Variants in CIMIP5 observed in about 807,000 individuals in gnomAD.
CIMIP5 encodes uncharacterized protein C2orf50.
chr2:11,137,538 C>G, the CIMIP5 span, among the ~76,000 whole-genome samples: 3 of 152,140 alleles, frequency 2.0e-5, no homozygotes, highest in African/African-American at 4.8e-5. Flanking sequence ...AGAAACTGAA[C>G]AAGAAGGTCC....
the CIMIP5 span, among the ~76,000 whole-genome samples, chr2:11,151,211 T>C: frequency 0.24 from 37,004 of 152,206 alleles, 4,857 homozygotes; most frequent in East Asian, 0.48. Flanking sequence ...CATATATTAA[T>C]TGATGTCTCA....
the CIMIP5 span, chr2:11,140,418 G>T: frequency 1.7e-5 from 12 of 694,560 alleles, no homozygotes; most frequent in South Asian, 2.6e-5. Flanking sequence ...TCTTCCACGT[G>T]ATACATTGTT....
the CIMIP5 span, among the ~76,000 whole-genome samples, chr2:11,149,575 T>C: frequency 6.6e-6 from 1 of 152,062 alleles, no homozygotes; most frequent in East Asian, 1.9e-4. Context: ...GGTGTGGTGA[T>C]GCAGGCCTAT....
the CIMIP5 span, among the ~76,000 whole-genome samples, chr2:11,151,798 G>T: frequency 1.3e-5 from 2 of 152,212 alleles, no homozygotes; most frequent in African/African-American, 4.8e-5. Context: ...ACCATGCCTG[G>T]CTAATTTTTG....
the CIMIP5 span, among the ~76,000 whole-genome samples, chr2:11,135,788 G>A: frequency 2.6e-5 from 4 of 151,676 alleles, no homozygotes; most frequent in East Asian, 1.9e-4. Context: ...GATGATCCAC[G>A]TGCCTCAGCC....
At chr2:11,141,310 G>T in the CIMIP5 span, among the ~76,000 whole-genome samples, 11 of 151,900 alleles carry the variant, frequency 7.2e-5, no homozygotes, top group Non-Finnish European at 1.3e-4. Flanking sequence ...TGTATTTTTA[G>T]TAGAGAGGGG....
chr2:11,148,451 C>T, the CIMIP5 span, among the ~76,000 whole-genome samples: 36,921 of 151,788 alleles, frequency 0.24, 4,835 homozygotes, highest in East Asian at 0.48. Flanking sequence ...CTTCTATCCA[C>T]GGAAAGTACA....
the CIMIP5 span, among the ~76,000 whole-genome samples, chr2:11,143,221 G>A: frequency 5.3e-5 from 8 of 151,542 alleles, no homozygotes; most frequent in South Asian, 2.1e-4. Context: ...TTCACACCAT[G>A]GAGTAACGTA....
At chr2:11,148,918 G>C in the CIMIP5 span, among the ~76,000 whole-genome samples, 2 of 151,702 alleles carry the variant, frequency 1.3e-5, no homozygotes, top group African/African-American at 4.8e-5. Context: ...ATTTTTAGTA[G>C]AGACGGGGGT....
At chr2:11,151,333 T>C in the CIMIP5 span, among the ~76,000 whole-genome samples, 2 of 152,204 alleles carry the variant, frequency 1.3e-5, no homozygotes, top group Non-Finnish European at 2.9e-5. Flanking sequence ...GTCTCAGATA[T>C]TTTGGGTTTA....
the CIMIP5 span, among the ~76,000 whole-genome samples, chr2:11,138,610 G>A: frequency 6.6e-6 from 1 of 152,162 alleles, no homozygotes; most frequent in African/African-American, 2.4e-5. Context: ...TTTGGAGGTG[G>A]GGCCCGGTGG....
chr2:11,137,706 C>T, the CIMIP5 span, among the ~76,000 whole-genome samples: 1 of 152,204 alleles, frequency 6.6e-6, no homozygotes, highest in African/African-American at 2.4e-5. Flanking sequence ...GAAAGTGAGA[C>T]ATGGAATTCC....
the CIMIP5 span, among the ~76,000 whole-genome samples, chr2:11,143,063 C>T: frequency 6.6e-6 from 1 of 152,096 alleles, no homozygotes; most frequent in Non-Finnish European, 1.5e-5. Context: ...TACCCAAACG[C>T]ACGTTCACAT....
chr2:11,135,500 G>A, the CIMIP5 span, among the ~76,000 whole-genome samples: 166 of 150,700 alleles, frequency 1.1e-3, no homozygotes, highest in African/African-American at 3.8e-3. Flanking sequence ...GTGTGATCTC[G>A]GCTCATTGCA....
chr2:11,137,931 C>T, the CIMIP5 span, among the ~76,000 whole-genome samples: 2 of 152,184 alleles, frequency 1.3e-5, no homozygotes, highest in African/African-American at 2.4e-5. Flanking sequence ...CTGCAAGCTC[C>T]GCCTCCCGGG....
the CIMIP5 span, among the ~76,000 whole-genome samples, chr2:11,141,051 A>G: frequency 6.6e-6 from 1 of 151,790 alleles, no homozygotes; most frequent in African/African-American, 2.4e-5. Flanking sequence ...GTGGCTTACA[A>G]AGCCTCCTGT....
the CIMIP5 span, chr2:11,144,127 G>A: frequency 1.0e-5 from 16 of 1,552,722 alleles, no homozygotes; most frequent in Admixed American, 1.9e-5. Flanking sequence ...AGGAGGGCTG[G>A]GCTGGCCTTC....
At chr2:11,139,765 G>C in the CIMIP5 span, among the ~76,000 whole-genome samples, 2 of 152,172 alleles carry the variant, frequency 1.3e-5, no homozygotes, top group African/African-American at 2.4e-5. Flanking sequence ...ATACCTGCTT[G>C]ACACTTGGCA....
At chr2:11,139,832 A>C in the CIMIP5 span, among the ~76,000 whole-genome samples, 2 of 152,214 alleles carry the variant, frequency 1.3e-5, no homozygotes, top group African/African-American at 4.8e-5. Context: ...CATGCCTGTA[A>C]TCCCAGCACT....
Sources: allele counts gnomAD v4.1 joint callset (sites outside exome capture counted in the v4.1 genomes callset), GRCh38; gene constraint gnomAD v4.1.1; transcripts MANE v1.5; gene names NCBI Gene and HGNC (gene_info 2026-07-23, HGNC 2026-07-21).